The following GALNT7 variants were observed in gnomAD, a reference collection of about 807,000 sequenced individuals.
GALNT7 encodes the protein polypeptide N-acetylgalactosaminyltransferase 7, also known as N-acetylgalactosaminyltransferase 7.
Under a neutral mutation model 82.1 loss-of-function variants are expected in GALNT7, and 60 were observed. That is an observed-to-expected ratio of 0.73 (90% CI 0.59 to 0.91). The LOEUF is 0.91. GALNT7 is among the 40% of genes least tolerant of loss of function. The pLI, the probability that GALNT7 is intolerant of heterozygous loss-of-function variation, is 0.00. For synonymous variants in GALNT7, 243 were observed against 275.1 expected (o/e 0.88, Z 1.15); for missense variants, 660 against 804.2 (o/e 0.82, Z 2.17).
chr4:173,257,955 T>A (rs1460298883), intron 2 of GALNT7, among the ~76,000 whole-genome samples: 1 of 152,134 alleles, frequency 6.6e-6, no homozygotes, highest in East Asian at 1.9e-4. Context: ...AGTCCACACG[T>A]GGTAAGCTGC....
In GALNT7 at chr4:173,298,122, T is replaced by C; in HGVS notation, c.973T>C (p.Cys325Arg). 1 of 1,614,064 alleles carries C rather than the reference T, an allele frequency of 6.2e-7. No homozygotes were observed. The highest frequency in any genetic ancestry group is 8.5e-7 in the Non-Finnish European group (1 of 1,179,964). The change falls in exon 6 of 12, where the codon TGC becomes CGC. Residue 325 changes from cysteine to arginine, a missense_variant. By Grantham distance (180) the Cys-to-Arg change is radical (BLOSUM62 -3). Around this residue, in one of 2 missense-constraint regions of GALNT7, gnomAD observed 527 missense variants for 683.5 expected, o/e 0.77. Coordinates refer to ENST00000265000, the MANE Select transcript of GALNT7 (RefSeq NM_017423.3). Reference sequence around the variant, plus strand: ...GCCATCAACACAATACAGAACCATTTGCACTGTGCCGCTTATAGATGTCAT... The same window carrying C: ...GCCATCAACACAATACAGAACCATTCGCACTGTGCCGCTTATAGATGTCAT... ...VAPISKDRTI[C>R]TVPLIDVING...
chr4:173,179,278 G>T (rs961494124), intron 1 of GALNT7, among the ~76,000 whole-genome samples: 4 of 152,060 alleles, frequency 2.6e-5, no homozygotes, highest in Admixed American at 1.3e-4. Flanking sequence ...TCAGAAGTTG[G>T]GTATGTCAGC....
At chr4:173,177,787 T>G (rs1732097765) in intron 1 of GALNT7, among the ~76,000 whole-genome samples, 2 of 152,158 alleles carry the variant, frequency 1.3e-5, no homozygotes, top group Non-Finnish European at 2.9e-5. Flanking sequence ...TACAGCAGCA[T>G]CATCATTAGC....
chr4:173,251,667 C>T (rs1734851671), intron 2 of GALNT7, among the ~76,000 whole-genome samples: 1 of 152,136 alleles, frequency 6.6e-6, no homozygotes, highest in South Asian at 2.1e-4. Context: ...CCTTTCTTTC[C>T]TTCTTCCATG....
intron 9 of GALNT7, among the ~76,000 whole-genome samples, chr4:173,315,060 A>G (rs551881936): frequency 1.2e-4 from 18 of 152,216 alleles, no homozygotes; most frequent in Admixed American, 1.2e-3. Flanking sequence ...ATGACACATA[A>G]TACTGTCAAG....
intron 2 of GALNT7, among the ~76,000 whole-genome samples, chr4:173,286,957 A>C (rs1302609808): frequency 1.3e-5 from 2 of 152,202 alleles, no homozygotes; most frequent in Non-Finnish European, 2.9e-5. Flanking sequence ...AACTGAAGAG[A>C]GCCTCAGTGC....
chr4:173,184,019 G>C (rs1036058405), intron 1 of GALNT7, among the ~76,000 whole-genome samples: 2 of 150,086 alleles, frequency 1.3e-5, no homozygotes, highest in Non-Finnish European at 3.0e-5. Flanking sequence ...GGGCAGAGGC[G>C]CTCCCCACAT....
rs942376055 is a variant in GALNT7, at chr4:173,302,817, G to A, written c.1266+653G>A. On this transcript the variant is annotated intron_variant, in intron 7 of 11. Coordinates refer to ENST00000265000, the MANE Select transcript of GALNT7 (RefSeq NM_017423.3). This position sits in a 1 kb window ranked among gnomAD's most constrained non-coding sequence, Gnocchi z 4.2. The stretch of plus-strand genomic sequence containing the variant: ...TGAGGGATAGAAGAGGAGTAAACCA[G>A]TTGTTGCTCTCAAGGAACTTGATAA... 2.6e-5 allele frequency among the ~76,000 whole-genome samples: 4 copies of A among 152,246 alleles called. No individual in the cohort carries two copies. Among genetic ancestry groups the A allele is most frequent in the Admixed American group, 1.3e-4 (2 of 15,286 alleles).
intron 1 of GALNT7, among the ~76,000 whole-genome samples, chr4:173,190,495 A>G (rs764836397): frequency 2.5e-4 from 38 of 152,206 alleles, no homozygotes; most frequent in Non-Finnish European, 4.4e-4. Context: ...GCTAACTTTC[A>G]TTAGTTCCAC....
At chr4:173,277,205 T>A (rs1579981984) in intron 2 of GALNT7, among the ~76,000 whole-genome samples, 1 of 152,234 alleles carries the variant, frequency 6.6e-6, no homozygotes, top group Middle Eastern at 3.4e-3. Context: ...AACAAAAAAA[T>A]GTGGAGCGGG....
At chr4:173,239,724 G>C (rs531222050) in intron 1 of GALNT7, among the ~76,000 whole-genome samples, 1 of 152,220 alleles carries the variant, frequency 6.6e-6, no homozygotes, top group East Asian at 1.9e-4. Context: ...ACACAAAGAA[G>C]GGTTTTGTAT....
chr4:173,294,326 A>G (rs1019730693), intron 3 of GALNT7, among the ~76,000 whole-genome samples: 1 of 152,076 alleles, frequency 6.6e-6, no homozygotes, highest in Non-Finnish European at 1.5e-5. Flanking sequence ...CTGAGGGGAA[A>G]AAACATGATT....
chr4:173,170,668 AAGG>A (rs1431757912), intron 1 of GALNT7, among the ~76,000 whole-genome samples: 1 of 152,194 alleles, frequency 6.6e-6, no homozygotes, highest in Non-Finnish European at 1.5e-5. Context: ...CTTATTGACA[AAGG>A]ATAACTGAAT....
chr4:173,259,339 C>T (rs1735168400), intron 2 of GALNT7, among the ~76,000 whole-genome samples: 1 of 152,042 alleles, frequency 6.6e-6, no homozygotes, highest in Non-Finnish European at 1.5e-5. Flanking sequence ...TCACAGGCTC[C>T]ATCATGGCAG....
At chr4:173,251,964 A>C (rs535621786) in intron 2 of GALNT7, among the ~76,000 whole-genome samples, 8 of 152,214 alleles carry the variant, frequency 5.3e-5, no homozygotes, top group African/African-American at 1.9e-4. Flanking sequence ...TCTTTCTCCC[A>C]CTTAAAAAAA....
At position 173,292,608 on chromosome 4, in the gene GALNT7, G is replaced by A. The variant is rs1340046713; in HGVS notation, c.754+334G>A. Among the ~76,000 whole-genome samples the A allele has an allele frequency of 1.3e-5, 2 of 152,086 alleles. No homozygotes were observed. The highest frequency in any genetic ancestry group is 2.4e-5 in the African/African-American group (1 of 41,426). ...TAAACATAGGTAGCATGAAAATATC[G>A]TTCAAAATGGCTTTATAAAAAAGCT... On this transcript the variant is annotated intron_variant, in intron 3 of 11. Transcript: ENST00000265000. This position sits in a 1 kb window ranked among gnomAD's most constrained non-coding sequence, Gnocchi z 4.8.
chr4:173,295,326 C>T, intron 3 of GALNT7, 70 bp from the exon 4 acceptor site: 1 of 1,107,722 alleles, frequency 9.0e-7, no homozygotes, highest in Admixed American at 1.8e-5. Flanking sequence ...ATTCTTGTTT[C>T]CTGAGAAAAA....
chr4:173,194,980 A>T (rs1306169951), intron 1 of GALNT7, among the ~76,000 whole-genome samples: 1 of 152,168 alleles, frequency 6.6e-6, no homozygotes, highest in East Asian at 1.9e-4. Flanking sequence ...TCTTAGCTAA[A>T]TTTCTACTTA....
intron 2 of GALNT7, among the ~76,000 whole-genome samples, chr4:173,262,239 A>G (rs1386932008): frequency 6.6e-6 from 1 of 152,200 alleles, no homozygotes; most frequent in Non-Finnish European, 1.5e-5. Flanking sequence ...ACTAAAAACT[A>G]GTGGTAGTTT....
Sources: allele counts gnomAD v4.1 joint callset (sites outside exome capture counted in the v4.1 genomes callset), GRCh38; gene constraint gnomAD v4.1.1; regional missense constraint gnomAD v4.1.1; non-coding constraint Gnocchi (gnomAD v3.1); transcripts MANE v1.5; gene names NCBI Gene and HGNC (gene_info 2026-07-23, HGNC 2026-07-21).